The following CCS variants were observed in gnomAD, a reference collection of about 807,000 sequenced individuals.
CCS encodes the protein superoxide dismutase copper chaperone.
CCS carries 32 observed loss-of-function variants against 35.5 expected under a neutral mutation model. That is an observed-to-expected ratio of 0.90 (90% CI 0.68 to 1.21). The LOEUF (loss-of-function observed/expected upper bound fraction) is 1.21. CCS is among the 50% of genes most tolerant of loss of function. The pLI, the probability that CCS is intolerant of heterozygous loss-of-function variation, is 0.00. For missense variants in CCS, 342 were observed against 375.4 expected, an observed-to-expected ratio of 0.91 and a Z score of 0.73; for synonymous variants, 130 against 147.2, an observed-to-expected ratio of 0.88 and a Z score of 0.84.
chr11:66,600,476 C>A lies in CCS; in HGVS notation c.429-13C>A. 6.6e-7 allele frequency: 1 copy of A among 1,513,030 alleles called. No homozygotes were observed. Among genetic ancestry groups the A allele is most frequent in the Non-Finnish European group, 8.9e-7 (1 of 1,125,886 alleles). 93.7% of individuals were successfully genotyped at this position (1,513,030 alleles called of 1,614,324 possible). A position where few individuals can be genotyped will look rare whatever the true frequency, so the allele number is the denominator to read the frequency against. On this transcript the variant is annotated splice_polypyrimidine_tract_variant and intron_variant, in intron 4 of 7. Transcript: ENST00000533244. Reference sequence around the variant, plus strand: ...AGCTGCTTTCCTGCCCACCTGTTTCCTTTCTTTCTTAGCTGTGGGAATCAC... The same window carrying A: ...AGCTGCTTTCCTGCCCACCTGTTTCATTTCTTTCTTAGCTGTGGGAATCAC...
At position 66,593,711 on chromosome 11, in the gene CCS, G is replaced by T. The variant is rs755501132; in HGVS notation, c.109G>T (p.Ala37Ser). ...DAVRKSLQGV[A>S]GVQDVEVHLE... ...GGTGCGCAAATCCCTGCAAGGGGTG[G>T]CAGGTAAGAACAGGGTAAACTTTTC... Residue 37 changes from alanine (A) to serine (S), a missense_variant, in exon 2 of 8, where the codon GCA becomes TCA. Coordinates refer to ENST00000533244, the MANE Select transcript of CCS (RefSeq NM_005125.2). 2 of 1,613,956 alleles carry T rather than the reference G, an allele frequency of 1.2e-6. No individual in the cohort carries two copies. Among genetic ancestry groups the T allele is most frequent in the African/African-American group, 2.7e-5 (2 of 74,916 alleles).
intron 5 of CCS, among the ~76,000 whole-genome samples, chr11:66,601,047 C>G (rs192695224): frequency 3.9e-5 from 6 of 152,266 alleles, no homozygotes; most frequent in Admixed American, 3.9e-4. Context: ...TGATTTTTGC[C>G]TTATCTGAGT....
chr11:66,595,932 G>A (rs961305386), intron 2 of CCS, among the ~76,000 whole-genome samples: 20 of 152,196 alleles, frequency 1.3e-4, no homozygotes, highest in Non-Finnish European at 2.8e-4. Context: ...CCTGTCATCA[G>A]GACATCTTAT....
intron 5 of CCS, among the ~76,000 whole-genome samples, chr11:66,602,119 G>A (rs1045889614): frequency 1.3e-5 from 2 of 152,204 alleles, no homozygotes; most frequent in African/African-American, 4.8e-5. Flanking sequence ...CCATTGCACA[G>A]TGCCATGCTT....
In CCS at chr11:66,605,353, G is replaced by C. The variant is rs1238152007; in HGVS notation, c.504G>C (p.Leu168=). 1 of 1,614,078 alleles carries C rather than the reference G, an allele frequency of 6.2e-7. No homozygotes were observed. The highest frequency in any genetic ancestry group is 2.2e-5 in the East Asian group (1 of 44,892). Residue 168 remains leucine (L), a synonymous_variant, in exon 6 of 8, where the codon CTG becomes CTC. Coordinates refer to ENST00000533244, the MANE Select transcript of CCS (RefSeq NM_005125.2). The stretch of plus-strand genomic sequence containing the variant: ...TCTCATTCCAGCACCGCGGAGACCT[G>C]GGCAATGTCCGTGCTGATGCTGACG... ...PQDSDRHRGD[L]GNVRADADGR...
In CCS at chr11:66,605,857, C is replaced by A; in HGVS notation, c.*2C>A. 6.5e-7 allele frequency: 1 copy of A among 1,528,192 alleles called. No individual in the cohort carries two copies. 94.7% of individuals were successfully genotyped at this position (1,528,192 alleles called of 1,614,324 possible). A position where few individuals can be genotyped will look rare whatever the true frequency, so the allele number is the denominator to read the frequency against. The stretch of plus-strand genomic sequence containing the variant: ...GCGCAGCCCCCTGCCCACCTTTGAG[C>A]AGGACCTCACCTTGGCTCTGTTGCT... On this transcript the variant is annotated 3_prime_UTR_variant, in exon 8 of 8. Transcript: ENST00000533244.
In CCS at chr11:66,593,714, G is replaced by C. The variant is rs1462599106; in HGVS notation, c.112G>C (p.Gly38Arg). The change falls in exon 2 of 8, where the codon GGT (glycine) becomes CGT (arginine). Residue 38 changes from glycine to arginine, a missense_variant and splice_region_variant. By Grantham distance (125) the Gly-to-Arg change is moderately radical (BLOSUM62 -2). Transcript: ENST00000533244. ...AVRKSLQGVA[G>R]VQDVEVHLED... ...GCGCAAATCCCTGCAAGGGGTGGCA[G>C]GTAAGAACAGGGTAAACTTTTCTGC... The C allele has an allele frequency of 6.2e-7, 1 of 1,614,084 alleles. No individual in the cohort carries two copies. The highest frequency in any genetic ancestry group is 1.7e-5 in the Admixed American group (1 of 60,028).
chr11:66,594,788 A>C (rs907198824), intron 2 of CCS, among the ~76,000 whole-genome samples: 1 of 151,908 alleles, frequency 6.6e-6, no homozygotes, highest in South Asian at 2.1e-4. Context: ...AAAAAAAAAA[A>C]AAAAAACAAG....
Position 66,593,674 on chromosome 11 carries a change from C to CTG in CCS, c.77_78dup (p.Asp27TrpfsTer83). Reference sequence around the variant, plus strand: ...TCGCGGTGCAGATGACCTGTCAGAGCTGTGTGGACGCGGTGCGCAAATCCC... The same window carrying CTG: ...TCGCGGTGCAGATGACCTGTCAGAGCTGTGTGTGGACGCGGTGCGCAAATCCC... On this transcript the variant is annotated frameshift_variant, in exon 2 of 8. Transcript: ENST00000533244. LOFTEE classifies it high-confidence loss of function. The CTG allele has an allele frequency of 6.2e-7, 1 of 1,614,174 alleles. No homozygotes were observed. Among genetic ancestry groups the CTG allele is most frequent in the Non-Finnish European group, 8.5e-7 (1 of 1,180,038 alleles).
At chr11:66,594,155 G>A (rs1219356333) in intron 2 of CCS, among the ~76,000 whole-genome samples, 1 of 151,448 alleles carries the variant, frequency 6.6e-6, no homozygotes, top group African/African-American at 2.4e-5. Context: ...TCAGGAGATC[G>A]AGACCATCCT....
intron 1 of CCS, 118 bp from the exon 2 acceptor site, chr11:66,593,524 A>T (rs1565321367): frequency 9.1e-7 from 1 of 1,098,656 alleles, no homozygotes; most frequent in East Asian, 2.6e-5. Flanking sequence ...GTGCTTGAAG[A>T]GGGGTTAAGT....
chr11:66,599,689 T>A (rs1858542489), intron 4 of CCS, 53 bp downstream of exon 4: 1 of 1,534,200 alleles, frequency 6.5e-7, no homozygotes, highest in African/African-American at 1.4e-5. Context: ...ATTTTCACAC[T>A]GGGCCCTCAC....
At chr11:66,599,918 C>T (rs1439828476) in intron 4 of CCS, 3 of 326,868 alleles carry the variant, frequency 9.2e-6, no homozygotes, top group East Asian at 9.2e-5. Flanking sequence ...GAGTTCAAGA[C>T]CAGCCTGGCC....
intron 1 of CCS, 78 bp from the exon 2 acceptor site, chr11:66,593,564 C>A: frequency 7.0e-7 from 1 of 1,436,978 alleles, no homozygotes; most frequent in South Asian, 1.2e-5. Flanking sequence ...TTGCGGTGGT[C>A]ATAGGGTAGG....
intron 2 of CCS, among the ~76,000 whole-genome samples, chr11:66,594,774 C>CAAA (rs992030660): frequency 1.4e-4 from 9 of 64,994 alleles, no homozygotes; most frequent in African/African-American, 1.7e-4. Flanking sequence ...GACCCTCTCT[C>CAAA]AAAAAAAAAA....
chr11:66,594,452 T>C (rs1249686075), intron 2 of CCS, among the ~76,000 whole-genome samples: 1 of 151,770 alleles, frequency 6.6e-6, no homozygotes, highest in African/African-American at 2.4e-5. Flanking sequence ...CCAGCATGGC[T>C]CTGGGAACTG....
intron 2 of CCS, among the ~76,000 whole-genome samples, chr11:66,596,049 C>T (rs1858470995): frequency 6.6e-6 from 1 of 152,214 alleles, no homozygotes; most frequent in Non-Finnish European, 1.5e-5. Context: ...CCCATTGCTT[C>T]TGTTGCCCCC....
Position 66,599,486 on chromosome 11 carries a change from T to G in CCS, c.278T>G (p.Leu93Arg). 1 of 1,547,528 alleles carries G rather than the reference T, an allele frequency of 6.5e-7. No homozygotes were observed. ...AATCTGGGGGCAGCAGTGGCCATCC[T>G]GGGGGGGCCTGGCACCGTGCAGGGG... The part of the protein sequence containing the change: ...LQNLGAAVAI[L>R]GGPGTVQGVV... Residue 93 changes from leucine to arginine, a missense_variant, in exon 4 of 8, where the codon CTG (leucine) becomes CGG (arginine). Leu to Arg is a moderately radical substitution (Grantham distance 102). Transcript: ENST00000533244.
chr11:66,595,176 G>T (rs1487999527), intron 2 of CCS, among the ~76,000 whole-genome samples: 1 of 152,102 alleles, frequency 6.6e-6, no homozygotes, highest in African/African-American at 2.4e-5. Context: ...AAGAGTAACC[G>T]AGTTAATACA....
Sources: allele counts gnomAD v4.1 joint callset (sites outside exome capture counted in the v4.1 genomes callset), GRCh38; gene constraint gnomAD v4.1.1; transcripts MANE v1.5; gene names NCBI Gene and HGNC (gene_info 2026-07-23, HGNC 2026-07-21).